Variants in ZNF175 observed in about 807,000 individuals in gnomAD.
ZNF175 encodes zinc finger protein 175, also known as zinc finger protein OTK18.
In ZNF175, 8 loss-of-function variants were observed where a neutral mutation model predicts 14.0. That is an observed-to-expected ratio of 0.57 (90% confidence interval 0.34 to 1.03). The LOEUF is 1.03. Ranked by LOEUF, ZNF175 falls within the 50% of genes least tolerant of loss-of-function variation. ZNF175 has a pLI of 0.03. For synonymous variants in ZNF175, 255 were observed against 296.8 expected, an observed-to-expected ratio of 0.86 and a Z score of 1.45; for missense variants, 764 against 849.5, an observed-to-expected ratio of 0.90 and a Z score of 1.25.
In ZNF175 at chr19:51,590,473, G is replaced by C. The variant is rs761406500; in HGVS notation, c.*2006G>C. 1 of 152,222 alleles carries C rather than the reference G, an allele frequency of 6.6e-6. No individual in the cohort carries two copies. Among genetic ancestry groups the C allele is most frequent in the Non-Finnish European group, 1.5e-5 (1 of 68,100 alleles). 9.4% of individuals were successfully genotyped at this position (152,222 alleles called of 1,614,324 possible). ...TGTGGTGGGAGATTTCTGTCAGCTG[G>C]AAGTCTTTTCCAGAAGGGTGTTAGA... On this transcript the variant is annotated 3_prime_UTR_variant, in exon 5 of 5. Coordinates refer to ENST00000262259, the MANE Select transcript of ZNF175 (RefSeq NM_007147.4).
In ZNF175 at chr19:51,581,878, T is replaced by A. The variant is rs1568574993; in HGVS notation, c.291T>A (p.Cys97Ter). 1.5e-5 allele frequency: 25 copies of A among 1,613,322 alleles called. No individual in the cohort carries two copies. The highest frequency in any genetic ancestry group is 2.1e-5 in the Non-Finnish European group (25 of 1,179,556). ...VEEAEVSHQR[C>*]QEREFGLEIP... ...AGGCTGAAGTCTCACATCAGAGGTG[T>A]CAAGGTGAGTAAGTTGTACCCGGGC... Residue 97 changes from cysteine (C) to a stop codon, truncating the protein, a stop_gained, in exon 4 of 5, where the codon TGT (cysteine) becomes TGA (stop). Coordinates refer to ENST00000262259, the MANE Select transcript of ZNF175 (RefSeq NM_007147.4). LOFTEE classifies it low-confidence loss of function (END_TRUNC).
chr19:51,588,732 C>A lies in ZNF175; in HGVS notation c.*265C>A. 1 of 431,214 alleles carries A rather than the reference C, an allele frequency of 2.3e-6. No individual in the cohort carries two copies. The highest frequency in any genetic ancestry group is 4.1e-6 in the Non-Finnish European group (1 of 246,558). The allele number at this position is 431,214 out of a possible 1,614,324, so 26.7% of individuals were successfully genotyped here. On this transcript the variant is annotated 3_prime_UTR_variant, in exon 5 of 5. Transcript: ENST00000262259. ...ATAAATTTTCTCCCCGGGAAGAAAC[C>A]CTGACTAACGCATTGAGAAAAGCCT...
Position 51,589,286 on chromosome 19 carries a change from G to A in ZNF175, c.*819G>A, listed in dbSNP as rs1982280294. 2 of 509,246 alleles carry A rather than the reference G, an allele frequency of 3.9e-6. No homozygotes were observed. Among genetic ancestry groups the A allele is most frequent in the Non-Finnish European group, 7.0e-6 (2 of 287,114 alleles). The allele number at this position is 509,246 out of a possible 1,614,324, so 31.5% of individuals were successfully genotyped here. A position where few individuals can be genotyped will look rare whatever the true frequency, so the allele number is the denominator to read the frequency against. ...TATGTATGCGTATGTATGTATGTATGTATGCCCTCAGTGCAGTGGGGTTTG... is the reference window on the plus strand; with the variant it reads ...TATGTATGCGTATGTATGTATGTATATATGCCCTCAGTGCAGTGGGGTTTG... On this transcript the variant is annotated 3_prime_UTR_variant, in exon 5 of 5. Coordinates refer to ENST00000262259, the MANE Select transcript of ZNF175 (RefSeq NM_007147.4).
At position 51,589,629 on chromosome 19, in the gene ZNF175, T is replaced by C. The variant is rs1399608227; in HGVS notation, c.*1162T>C. On this transcript the variant is annotated 3_prime_UTR_variant, in exon 5 of 5. Coordinates refer to ENST00000262259, the MANE Select transcript of ZNF175 (RefSeq NM_007147.4). ...TAATTAGTGCCAACCATTAGTCTCG[T>C]TCATATTTTTACACCAGGAGTCAAC... 4 of 697,046 alleles carry C rather than the reference T, an allele frequency of 5.7e-6. No homozygotes were observed. The Admixed American group carries it at 8.2e-5, about 14-fold the overall frequency. 43.2% of individuals were successfully genotyped at this position (697,046 alleles called of 1,614,324 possible). A position where few individuals can be genotyped will look rare whatever the true frequency, so the allele number is the denominator to read the frequency against.
At position 51,586,785 on chromosome 19, in the gene ZNF175, C is replaced by G. The variant is rs752061169; in HGVS notation, c.454C>G (p.Gln152Glu). ...ADRTKKDEQNQIQPMSHSAFF... is the reference protein window; with the variant it reads ...ADRTKKDEQNEIQPMSHSAFF... Reference sequence around the variant, plus strand: ...CCGCACAAAGAAAGATGAGCAAAATCAAATTCAACCCATGAGTCACAGTGC... The same window carrying G: ...CCGCACAAAGAAAGATGAGCAAAATGAAATTCAACCCATGAGTCACAGTGC... Residue 152 changes from glutamine (Q) to glutamate (E), a missense_variant, in exon 5 of 5, where the codon CAA becomes GAA. Gln to Glu is a conservative substitution (Grantham distance 29). Coordinates refer to ENST00000262259, the MANE Select transcript of ZNF175 (RefSeq NM_007147.4). 1.9e-6 allele frequency: 3 copies of G among 1,614,020 alleles called. No individual in the cohort carries two copies. Among genetic ancestry groups the G allele is most frequent in the South Asian group, 2.2e-5 (2 of 91,078 alleles).
At chr19:51,572,880 T>G (rs2864109) in intron 1 of ZNF175, among the ~76,000 whole-genome samples, 1 of 152,086 alleles carries the variant, frequency 6.6e-6, no homozygotes, top group South Asian at 2.1e-4. Context: ...TTTCCCAACA[T>G]CTGTGATAAA....
chr19:51,588,537 C>T lies in ZNF175; in HGVS notation c.*70C>T. 6.9e-7 allele frequency: 1 copy of T among 1,455,488 alleles called. No individual in the cohort carries two copies. The highest frequency in any genetic ancestry group is 1.4e-5 in the South Asian group (1 of 70,904). The allele number at this position is 1,455,488 out of a possible 1,614,324, so 90.2% of individuals were successfully genotyped here. On this transcript the variant is annotated 3_prime_UTR_variant, in exon 5 of 5. Coordinates refer to ENST00000262259, the MANE Select transcript of ZNF175 (RefSeq NM_007147.4). ...TTTCTTGAAGAAGAGAAAATCTTCT[C>T]AGAATCAGGTCTAATTATATGTTAT...
At position 51,581,232 on chromosome 19, in the gene ZNF175, T is replaced by A. The variant is rs78448873; in HGVS notation, c.73-159T>A. ...CAGTGGATGGAGGATATTTCTCTTA[T>A]TTTTTTTTAAATCCCTAAAAATGTG... is the stretch of plus-strand genomic sequence containing the variant. On this transcript the variant is annotated intron_variant, in intron 2 of 4. Coordinates refer to ENST00000262259, the MANE Select transcript of ZNF175 (RefSeq NM_007147.4). 4,262 of 869,882 alleles carry A rather than the reference T, an allele frequency of 4.9e-3. 173 individuals carry two copies. The East Asian group carries it at 0.098, about 20-fold the overall frequency. The allele number at this position is 869,882 out of a possible 1,614,324, so 53.9% of individuals were successfully genotyped here.
At position 51,590,778 on chromosome 19, in the gene ZNF175, G is replaced by C. The variant is rs886738986; in HGVS notation, c.*2311G>C. 6.6e-6 allele frequency: 1 copy of C among 152,562 alleles called. No homozygotes were observed. Among genetic ancestry groups the C allele is most frequent in the African/African-American group, 2.4e-5 (1 of 41,394 alleles). The allele number at this position is 152,562 out of a possible 1,614,324, so 9.5% of individuals were successfully genotyped here. On this transcript the variant is annotated 3_prime_UTR_variant, in exon 5 of 5. Coordinates refer to ENST00000262259, the MANE Select transcript of ZNF175 (RefSeq NM_007147.4). ...AAGGGCTGGCCGGCCGTAGATGACT[G>C]GTGTGGGGTGGAAAGGCTGCAGAGG...
rs114570714 is a variant in ZNF175 at position 51,576,445 on chromosome 19, C to T, written c.72+3044C>T. ...GATTACAGGCATGAGCCACCACACCCGGCCTTCAGGAACAGTTTTAATCCT... is the reference window on the plus strand; with the variant it reads ...GATTACAGGCATGAGCCACCACACCTGGCCTTCAGGAACAGTTTTAATCCT... On this transcript the variant is annotated intron_variant, in intron 2 of 4. Transcript: ENST00000262259. Among the ~76,000 whole-genome samples, 902 of 152,276 alleles carry T rather than the reference C, an allele frequency of 5.9e-3. 8 individuals carry two copies. Among genetic ancestry groups the T allele is most frequent in the African/African-American group, 0.021 (858 of 41,570 alleles).
Position 51,590,978 on chromosome 19 carries a change from G to C in ZNF175, c.*2511G>C, listed in dbSNP as rs1244230006. The C allele has an allele frequency of 1.3e-5, 2 of 150,172 alleles. No homozygotes were observed. The highest frequency in any genetic ancestry group is 4.9e-5 in the African/African-American group (2 of 41,058). The allele number at this position is 150,172 out of a possible 1,614,324, so 9.3% of individuals were successfully genotyped here. ...CCCTCAGGATGTGCCTCCCTTCTCAGATCTGGGCTTTCCCTGTTCCTAAGC... is the reference window on the plus strand; with the variant it reads ...CCCTCAGGATGTGCCTCCCTTCTCACATCTGGGCTTTCCCTGTTCCTAAGC... On this transcript the variant is annotated 3_prime_UTR_variant, in exon 5 of 5. Coordinates refer to ENST00000262259, the MANE Select transcript of ZNF175 (RefSeq NM_007147.4).
chr19:51,586,851 G>T lies in ZNF175; in HGVS notation c.520G>T (p.Glu174Ter). 1 of 1,614,152 alleles carries T rather than the reference G, an allele frequency of 6.2e-7. No individual in the cohort carries two copies. The highest frequency in any genetic ancestry group is 8.5e-7 in the Non-Finnish European group (1 of 1,180,002). The change falls in exon 5 of 5, where the codon GAA becomes TAA. Residue 174 changes from glutamate (E) to a stop codon, truncating the protein, a stop_gained. Coordinates refer to ENST00000262259, the MANE Select transcript of ZNF175 (RefSeq NM_007147.4). LOFTEE classifies it low-confidence loss of function (END_TRUNC). ...AACATTGAACACAGAAAGCAATTGTGAATATAAGGACCCTGGGAAAATGAT... is the reference window on the plus strand; with the variant it reads ...AACATTGAACACAGAAAGCAATTGTTAATATAAGGACCCTGGGAAAATGAT... Reference protein sequence around the residue: ...KKTLNTESNCEYKDPGKMIRT... With the variant: ...KKTLNTESNC
chr19:51,586,620 C>G lies in ZNF175; in HGVS notation c.296-7C>G, dbSNP rs777123820. The G allele has an allele frequency of 1.9e-6, 3 of 1,575,726 alleles. No individual in the cohort carries two copies. Among genetic ancestry groups the G allele is most frequent in the Non-Finnish European group, 1.7e-6 (2 of 1,164,012 alleles). On this transcript the variant is annotated splice_polypyrimidine_tract_variant and splice_region_variant and intron_variant, in intron 4 of 4. Coordinates refer to ENST00000262259, the MANE Select transcript of ZNF175 (RefSeq NM_007147.4). ...GTGTCTATTTCATCTTCTCTTTCTC[C>G]TTTTAGAAAGGGAGTTTGGGCTTGA...
In ZNF175 at chr19:51,588,380, G is replaced by C; in HGVS notation, c.2049G>C (p.Arg683Ser). The C allele has an allele frequency of 6.2e-7, 1 of 1,612,328 alleles. No homozygotes were observed. The highest frequency in any genetic ancestry group is 8.5e-7 in the Non-Finnish European group (1 of 1,179,564). The change falls in exon 5 of 5, where the codon AGG becomes AGC. Residue 683 changes from arginine to serine, a missense_variant. Coordinates refer to ENST00000262259, the MANE Select transcript of ZNF175 (RefSeq NM_007147.4). Reference protein sequence around the residue: ...CSECGKAFNNRSNFNKHQTTH... With the variant: ...CSECGKAFNNSSNFNKHQTTH... ...AATGTGGAAAGGCCTTCAACAACAG[G>C]TCAAACTTCAATAAACACCAAACAA...
intron 2 of ZNF175, among the ~76,000 whole-genome samples, chr19:51,581,076 A>G (rs932883099): frequency 6.6e-6 from 1 of 152,060 alleles, no homozygotes; most frequent in African/African-American, 2.4e-5. Flanking sequence ...ACCCAGCTCA[A>G]CTACAGCCTC....
At position 51,579,455 on chromosome 19, in the gene ZNF175, T is replaced by C. The variant is rs76470599; in HGVS notation, c.73-1936T>C. Among the ~76,000 whole-genome samples the C allele has an allele frequency of 3.0e-3, 453 of 152,112 alleles. 5 individuals are homozygous for C. In the East Asian group the frequency reaches 0.043, roughly 15 times the overall value. ...ATTTTTTTTTTTTGAGGAAAAGTGT[T>C]TTTTAACCCAGTAGAAAACTGAAGA... On this transcript the variant is annotated intron_variant, in intron 2 of 4. Transcript: ENST00000262259.
At chr19:51,572,189 A>G (rs762274346) in intron 1 of ZNF175, among the ~76,000 whole-genome samples, 2 of 152,158 alleles carry the variant, frequency 1.3e-5, no homozygotes, top group African/African-American at 2.4e-5. Flanking sequence ...GCTGGGAAAC[A>G]TTTCTTGGCT....
At position 51,573,219 on chromosome 19, in the gene ZNF175, A is replaced by G; in HGVS notation, c.-111A>G. On this transcript the variant is annotated 5_prime_UTR_variant, in exon 2 of 5. Coordinates refer to ENST00000262259, the MANE Select transcript of ZNF175 (RefSeq NM_007147.4). ...GGATCTCTCTTCATAGCCCAGTACGACTCTCCGCCGTGTCCCTGGTTGGAA... is the reference window on the plus strand; with the variant it reads ...GGATCTCTCTTCATAGCCCAGTACGGCTCTCCGCCGTGTCCCTGGTTGGAA... The G allele has an allele frequency of 9.9e-7, 1 of 1,005,566 alleles. No homozygotes were observed. The allele number at this position is 1,005,566 out of a possible 1,614,324, so 62.3% of individuals were successfully genotyped here. A position where few individuals can be genotyped will look rare whatever the true frequency, so the allele number is the denominator to read the frequency against.
At chr19:51,586,415 C>A (rs1314047307) in intron 4 of ZNF175, among the ~76,000 whole-genome samples, 1 of 152,230 alleles carries the variant, frequency 6.6e-6, no homozygotes, top group Non-Finnish European at 1.5e-5. Context: ...TATGTGTGCA[C>A]CATGTAGGCC....
Sources: allele counts gnomAD v4.1 joint callset (sites outside exome capture counted in the v4.1 genomes callset), GRCh38; gene constraint gnomAD v4.1.1; transcripts MANE v1.5; gene names NCBI Gene and HGNC (gene_info 2026-07-23, HGNC 2026-07-21).